Variants in GLRB observed in about 807,000 individuals in gnomAD.
GLRB encodes glycine receptor beta, also known as glycine receptor subunit beta.
A neutral mutation model predicts 54.2 loss-of-function variants in GLRB; 33 were observed. The observed-to-expected ratio is 0.61, with a 90% CI of 0.46 to 0.81. GLRB has a LOEUF of 0.81. GLRB is among the 40% of genes least tolerant of loss of function. The pLI is 0.00. For synonymous variants in GLRB, 209 were observed against 208.2 expected (o/e 1.00, Z -0.03); for missense variants, 572 against 584.6 (o/e 0.98, Z 0.22).
intron 2 of GLRB, among the ~76,000 whole-genome samples, chr4:157,108,134 G>T (rs1735289616): frequency 6.6e-6 from 1 of 151,998 alleles, no homozygotes; most frequent in Non-Finnish European, 1.5e-5. Flanking sequence ...CAATGCACCT[G>T]GTCACCCAAG....
intron 8 of GLRB, among the ~76,000 whole-genome samples, chr4:157,145,460 A>C (rs1163150693): frequency 1.3e-5 from 2 of 152,358 alleles, no homozygotes; most frequent in African/African-American, 2.4e-5. Flanking sequence ...CACATTCAGG[A>C]GTTAATAATG....
chr4:157,130,546 A>G (rs899408311), intron 4 of GLRB, among the ~76,000 whole-genome samples: 1 of 151,652 alleles, frequency 6.6e-6, no homozygotes, highest in Admixed American at 6.6e-5. Flanking sequence ...TTGAAGGTTC[A>G]TGCATGCTGT....
At chr4:157,155,311 A>G (rs1462542147) in intron 9 of GLRB, among the ~76,000 whole-genome samples, 17 of 152,058 alleles carry the variant, frequency 1.1e-4, no homozygotes, top group Admixed American at 2.0e-4. Context: ...TTATATTTTT[A>G]GTAGAGACAG....
At chr4:157,164,868 A>G (rs1259055400) in intron 9 of GLRB, among the ~76,000 whole-genome samples, 1 of 152,154 alleles carries the variant, frequency 6.6e-6, no homozygotes, top group Non-Finnish European at 1.5e-5. Flanking sequence ...TTAAAGCATT[A>G]AAATTAAAAC....
chr4:157,137,699 C>T (rs530252315), intron 6 of GLRB, among the ~76,000 whole-genome samples: 1 of 152,126 alleles, frequency 6.6e-6, no homozygotes, highest in East Asian at 1.9e-4. Context: ...TTCTTTCTAA[C>T]TATAAAATGA....
chr4:157,122,824 T>A (rs1285902801), intron 4 of GLRB, among the ~76,000 whole-genome samples: 1 of 151,738 alleles, frequency 6.6e-6, no homozygotes, highest in African/African-American at 2.4e-5. Context: ...CATTTTGTGA[T>A]ATGTAGAGCA....
chr4:157,082,989 T>TATATATATAC lies in GLRB; in HGVS notation c.122+4844_122+4845insTATATATACA, dbSNP rs1491140351. Among the ~76,000 whole-genome samples, 16 of 142,750 alleles carry TATATATATAC rather than the reference T, an allele frequency of 1.1e-4. No individual in the cohort carries two copies. The South Asian group carries it at 2.1e-3, about 18-fold the overall frequency. 93.6% of individuals were successfully genotyped at this position (142,750 alleles called of 152,430 possible). On this transcript the variant is annotated intron_variant, in intron 2 of 9. Coordinates refer to ENST00000264428, the MANE Select transcript of GLRB (RefSeq NM_000824.5). The stretch of plus-strand genomic sequence containing the variant: ...TTATATATATATATATATATATATA[T>TATATATATAC]ACACACATACTTACAATTTAGTATT...
intron 2 of GLRB, among the ~76,000 whole-genome samples, chr4:157,102,672 C>A (rs1735075911): frequency 6.6e-6 from 1 of 152,016 alleles, no homozygotes; most frequent in African/African-American, 2.4e-5. Context: ...AAAGCAAGTA[C>A]TTTTGATGGA....
chr4:157,136,767 A>G (rs376751146), intron 5 of GLRB, 37 bp from the exon 6 acceptor site: 2 of 1,500,358 alleles, frequency 1.3e-6, no homozygotes, highest in Non-Finnish European at 1.9e-6. Context: ...ACAGAGAAGT[A>G]TATTAAATTA....
chr4:157,136,974 G>T (rs1433001024), intron 6 of GLRB, 88 bp downstream of exon 6: 4 of 775,562 alleles, frequency 5.2e-6, no homozygotes, highest in African/African-American at 5.2e-5. Context: ...AGACAACAGT[G>T]GTAAAACTAG....
At chr4:157,131,288 G>A (rs1357960677) in intron 4 of GLRB, among the ~76,000 whole-genome samples, 1 of 151,528 alleles carries the variant, frequency 6.6e-6, no homozygotes, top group Non-Finnish European at 1.5e-5. Context: ...TTTGTTTATG[G>A]TATTTTTTGC....
chr4:157,113,587 T>C (rs1735498735), intron 2 of GLRB, among the ~76,000 whole-genome samples: 1 of 151,996 alleles, frequency 6.6e-6, no homozygotes, highest in African/African-American at 2.4e-5. Context: ...TCTCTCCAGA[T>C]AGTTGCTTCT....
At chr4:157,156,777 T>C (rs766299747) in intron 9 of GLRB, among the ~76,000 whole-genome samples, 4 of 152,222 alleles carry the variant, frequency 2.6e-5, no homozygotes, top group Non-Finnish European at 5.9e-5. Flanking sequence ...AATTCTCAGA[T>C]TGTTGTTGCA....
At chr4:157,120,886 T>C (rs951732732) in intron 3 of GLRB, among the ~76,000 whole-genome samples, 2 of 151,632 alleles carry the variant, frequency 1.3e-5, no homozygotes, top group African/African-American at 2.4e-5. Flanking sequence ...TACCTGTTTT[T>C]AAAAATTCAA....
At chr4:157,084,670 A>G (rs1299300626) in intron 2 of GLRB, 1 of 456,152 alleles carries the variant, frequency 2.2e-6, no homozygotes, top group South Asian at 1.5e-5. Context: ...TCAGAGAGAG[A>G]TTGTACCATT....
chr4:157,113,310 GA>G (rs1735488440), intron 2 of GLRB, among the ~76,000 whole-genome samples: 1 of 151,924 alleles, frequency 6.6e-6, no homozygotes, highest in African/African-American at 2.4e-5. Context: ...CTATTCTGTA[GA>G]GTATGGAAAG....
intron 7 of GLRB, among the ~76,000 whole-genome samples, chr4:157,141,658 TTAGC>T (rs1736616341): frequency 6.6e-6 from 1 of 152,008 alleles, no homozygotes; most frequent in Non-Finnish European, 1.5e-5. Flanking sequence ...TTTATATCAA[TTAGC>T]TGCCCACCTG....
chr4:157,084,098 A>T lies in GLRB; in HGVS notation c.122+5952A>T, dbSNP rs2126428583. 1.3e-5 allele frequency among the ~76,000 whole-genome samples: 2 copies of T among 152,274 alleles called. 1 individual carries two copies. Among genetic ancestry groups the T allele is most frequent in the East Asian group, 3.9e-4 (2 of 5,182 alleles). ...TTTTATTGAATAACAGTAATTAAAA[A>T]ACCAGAACTCCCTCAATTAAAAATA... is the stretch of plus-strand genomic sequence containing the variant. On this transcript the variant is annotated intron_variant, in intron 2 of 9. Transcript: ENST00000264428.
chr4:157,155,485 A>G (rs752759731), intron 9 of GLRB, among the ~76,000 whole-genome samples: 5 of 151,786 alleles, frequency 3.3e-5, no homozygotes, highest in African/African-American at 7.3e-5. Flanking sequence ...CATTTTTTTC[A>G]CTTTCCCTTT....
Sources: gnomAD v4.1 joint callset for allele counts (sites outside exome capture counted in the v4.1 genomes callset) on GRCh38, gnomAD v4.1.1 for gene constraint, MANE v1.5 for transcripts, NCBI Gene and HGNC (gene_info 2026-07-23, HGNC 2026-07-21) for gene names.